Variants in CDH10 observed in about 807,000 individuals in gnomAD.
The protein encoded by CDH10 is cadherin-10.
A neutral mutation model predicts 73.1 loss-of-function variants in CDH10; 30 were observed. The observed-to-expected ratio is 0.41, with a 90% CI of 0.31 to 0.56. CDH10 has a LOEUF of 0.56. Among genes scored for constraint, CDH10 ranks in the 20% least tolerant of loss-of-function variants. The pLI is 0.27. For missense variants in CDH10, 815 were observed against 973.7 expected, an observed-to-expected ratio of 0.84 and a Z score of 2.17; for synonymous variants, 345 against 348.2, an observed-to-expected ratio of 0.99 and a Z score of 0.10.
intron 1 of CDH10, among the ~76,000 whole-genome samples, chr5:24,604,881 AAAAAAAAAAAAAAAC>A (rs1012996047): frequency 4.0e-5 from 6 of 150,424 alleles, no homozygotes; most frequent in African/African-American, 1.2e-4. Context: ...TAAAAAAAAA[AAAAAAAAAAAAAAAC>A]AAAAACAAAC....
At chr5:24,593,205 C>A in intron 2 of CDH10, 55 bp downstream of exon 2, 3 of 945,410 alleles carry the variant, frequency 3.2e-6, no homozygotes, top group South Asian at 1.5e-5. Flanking sequence ...AAATTTTCAT[C>A]AGTAAAATAT....
intron 11 of CDH10, among the ~76,000 whole-genome samples, chr5:24,490,431 A>AAT (rs1742009389): frequency 2.5e-5 from 1 of 39,692 alleles, no homozygotes; most frequent in African/African-American, 8.1e-5. Context: ...CAAATTATAA[A>AAT]ATATATTTTT....
At chr5:24,519,044 C>T (rs774293582) in intron 5 of CDH10, among the ~76,000 whole-genome samples, 7 of 151,700 alleles carry the variant, frequency 4.6e-5, no homozygotes, top group Admixed American at 1.3e-4. Context: ...TTGTGCACCA[C>T]CATGCCTGGC....
At chr5:24,565,062 C>T (rs1745120303) in intron 2 of CDH10, among the ~76,000 whole-genome samples, 1 of 152,124 alleles carries the variant, frequency 6.6e-6, no homozygotes. Context: ...AAGAATGCCT[C>T]CTTTACCCTA....
intron 1 of CDH10, among the ~76,000 whole-genome samples, chr5:24,619,598 T>C (rs939297989): frequency 6.6e-4 from 100 of 152,222 alleles, no homozygotes; most frequent in African/African-American, 2.4e-3. Flanking sequence ...GTATTTTGCC[T>C]GCACGAAGGA....
intron 3 of CDH10, among the ~76,000 whole-genome samples, chr5:24,537,102 T>A (rs1439440375): frequency 6.6e-6 from 1 of 151,930 alleles, no homozygotes; most frequent in Non-Finnish European, 1.5e-5. Context: ...GACAAAAAAA[T>A]TATTTTCACA....
chr5:24,596,937 AATT>A (rs896742639), intron 1 of CDH10, among the ~76,000 whole-genome samples: 39 of 152,086 alleles, frequency 2.6e-4, no homozygotes, highest in African/African-American at 8.9e-4. Context: ...GCTTGCTTGA[AATT>A]ATTAACAGAA....
chr5:24,510,893 C>T (rs1742878671), intron 6 of CDH10, among the ~76,000 whole-genome samples: 1 of 152,104 alleles, frequency 6.6e-6, no homozygotes, highest in African/African-American at 2.4e-5. Context: ...AATTATGTTC[C>T]AATCCATGCT....
Position 24,488,279 on chromosome 5 carries a change from T to C in CDH10, c.1877-126A>G, listed in dbSNP as rs147364096. On this transcript the variant is annotated intron_variant, in intron 11 of 11. Transcript: ENST00000264463. The stretch of plus-strand genomic sequence containing the variant: ...AACAGCTTAGACTTTCAGATTAATT[T>C]TGTGCTTCCCACAGTTTGGGGGAGG... 716 of 838,556 alleles carry C rather than the reference T, an allele frequency of 8.5e-4. 6 individuals are homozygous for C. The East Asian group carries it at 0.016, about 19-fold the overall frequency. The allele number at this position is 838,556 out of a possible 1,614,324, so 51.9% of individuals were successfully genotyped here.
intron 2 of CDH10, among the ~76,000 whole-genome samples, chr5:24,557,513 T>G (rs1327014926): frequency 6.6e-6 from 1 of 151,796 alleles, no homozygotes; most frequent in Admixed American, 6.6e-5. Flanking sequence ...CTCAGCCCCC[T>G]TCACATAACA....
At chr5:24,619,756 C>G (rs1180017534) in intron 1 of CDH10, among the ~76,000 whole-genome samples, 3 of 152,078 alleles carry the variant, frequency 2.0e-5, no homozygotes, top group Non-Finnish European at 1.5e-5. Flanking sequence ...ATGATTGGGT[C>G]ATGATTGGGA....
intron 9 of CDH10, among the ~76,000 whole-genome samples, chr5:24,498,059 C>T (rs1239756627): frequency 6.6e-6 from 1 of 152,112 alleles, no homozygotes; most frequent in Non-Finnish European, 1.5e-5. Flanking sequence ...CTAGCAGGTA[C>T]CAGTATTTAT....
chr5:24,512,324 G>A (rs78990503), intron 5 of CDH10, among the ~76,000 whole-genome samples: 2,222 of 152,216 alleles, frequency 0.015, 52 homozygotes, highest in African/African-American at 0.047. Context: ...TTTTCATTGC[G>A]TAGATCTGCT....
chr5:24,586,866 C>A (rs1746028838), intron 2 of CDH10, among the ~76,000 whole-genome samples: 1 of 59,700 alleles, frequency 1.7e-5, no homozygotes, highest in Non-Finnish European at 3.0e-5. Flanking sequence ...TTTTTTTGAG[C>A]CGGAGTCTCG....
intron 2 of CDH10, among the ~76,000 whole-genome samples, chr5:24,580,121 C>A (rs1452944494): frequency 6.6e-6 from 1 of 151,950 alleles, no homozygotes; most frequent in African/African-American, 2.4e-5. Flanking sequence ...AACTTTAAAG[C>A]CAGAAGACAG....
chr5:24,512,192 C>G (rs775544505), intron 5 of CDH10, among the ~76,000 whole-genome samples: 2 of 151,834 alleles, frequency 1.3e-5, no homozygotes, highest in Non-Finnish European at 2.9e-5. Context: ...TTTATTTTAT[C>G]TTTTGAGATG....
At chr5:24,607,463 G>C (rs75696431) in intron 1 of CDH10, among the ~76,000 whole-genome samples, 2,889 of 152,214 alleles carry the variant, frequency 0.019, 84 homozygotes, top group African/African-American at 0.066. Context: ...CCACCGTCAG[G>C]TGTCTGTTGT....
chr5:24,575,837 G>A (rs1421151472), intron 2 of CDH10, among the ~76,000 whole-genome samples: 1 of 151,920 alleles, frequency 6.6e-6, no homozygotes, highest in Non-Finnish European at 1.5e-5. Flanking sequence ...CCATTATTCT[G>A]TTCTTGAGAG....
At chr5:24,591,852 T>C (rs907926883) in intron 2 of CDH10, among the ~76,000 whole-genome samples, 2 of 151,968 alleles carry the variant, frequency 1.3e-5, no homozygotes, top group African/African-American at 4.8e-5. Context: ...CAACATTTAT[T>C]AGATCATCAT....
Sources: allele counts gnomAD v4.1 joint callset (sites outside exome capture counted in the v4.1 genomes callset), GRCh38; gene constraint gnomAD v4.1.1; transcripts MANE v1.5; gene names NCBI Gene and HGNC (gene_info 2026-07-23, HGNC 2026-07-21).